PPP4R4: variants seen among roughly 807,000 people sequenced by gnomAD.
PPP4R4 encodes protein phosphatase 4 regulatory subunit 4, also known as serine/threonine-protein phosphatase 4 regulatory subunit 4.
In PPP4R4, 70 loss-of-function variants were observed where a neutral mutation model predicts 121.8. That is an observed-to-expected ratio of 0.57 (90% CI 0.47 to 0.70). PPP4R4 has a LOEUF of 0.70. Ranked by LOEUF, PPP4R4 falls within the 30% of genes least tolerant of loss-of-function variation. The pLI is 0.00. For synonymous variants in PPP4R4, 348 were observed against 355.7 expected, an observed-to-expected ratio of 0.98 and a Z score of 0.24; for missense variants, 875 against 1,033.6, an observed-to-expected ratio of 0.85 and a Z score of 2.10.
chr14:94,235,759 T>C (rs1892312651), intron 7 of PPP4R4, among the ~76,000 whole-genome samples: 1 of 152,114 alleles, frequency 6.6e-6, no homozygotes, highest in Non-Finnish European at 1.5e-5. Flanking sequence ...GCCAATCTCT[T>C]CACCCATAAG....
intron 2 of PPP4R4, among the ~76,000 whole-genome samples, chr14:94,207,971 G>C (rs933309319): frequency 2.0e-5 from 3 of 151,822 alleles, no homozygotes; most frequent in Non-Finnish European, 4.4e-5. Flanking sequence ...TTCTGACATG[G>C]AGTCAAATCT....
At chr14:94,198,931 G>A (rs1890022133) in intron 2 of PPP4R4, among the ~76,000 whole-genome samples, 1 of 152,152 alleles carries the variant, frequency 6.6e-6, no homozygotes, top group Non-Finnish European at 1.5e-5. Flanking sequence ...TTGTAGCTCT[G>A]TGATAGGTTT....
At chr14:94,238,228 CTT>C (rs1164132661) in intron 8 of PPP4R4, among the ~76,000 whole-genome samples, 4 of 152,360 alleles carry the variant, frequency 2.6e-5, no homozygotes, top group Admixed American at 6.5e-5. Flanking sequence ...GGCCCCACCT[CTT>C]AAAGATTTCA....
At chr14:94,185,326 C>A (rs771196914) in intron 2 of PPP4R4, among the ~76,000 whole-genome samples, 6 of 152,050 alleles carry the variant, frequency 3.9e-5, no homozygotes, top group Non-Finnish European at 8.8e-5. Context: ...GGCAATATAG[C>A]GAGACCCTGT....
At chr14:94,191,380 T>C (rs1330259118) in intron 2 of PPP4R4, among the ~76,000 whole-genome samples, 1 of 152,136 alleles carries the variant, frequency 6.6e-6, no homozygotes, top group African/African-American at 2.4e-5. Context: ...TGACATGTAG[T>C]AATTGTATGT....
chr14:94,214,172 C>G (rs1890895002), intron 3 of PPP4R4, among the ~76,000 whole-genome samples: 1 of 152,024 alleles, frequency 6.6e-6, no homozygotes, highest in Non-Finnish European at 1.5e-5. Context: ...CCTGAAAGAC[C>G]AAGGGAACAT....
Position 94,174,476 on chromosome 14 carries a change from C to A in PPP4R4, c.11C>A (p.Pro4Gln). Residue 4 changes from proline (P) to glutamine (Q), a missense_variant, in exon 1 of 25, where the codon CCG becomes CAG. Transcript: ENST00000304338. Reference protein sequence around the residue: MHPPPPAAAMDFSQ... With the variant: MHPQPPAAAMDFSQ... ...AGTGCCCGGCGGTCCATGCATCCGC[C>A]GCCGCCCGCCGCCGCGATGGATTTC... 6.2e-7 allele frequency: 1 copy of A among 1,604,050 alleles called. No homozygotes were observed. The highest frequency in any genetic ancestry group is 8.5e-7 in the Non-Finnish European group (1 of 1,176,254).
intron 24 of PPP4R4, 97 bp downstream of exon 24, chr14:94,275,618 T>A (rs1052837329): frequency 7.5e-7 from 1 of 1,337,686 alleles, no homozygotes; most frequent in Non-Finnish European, 1.0e-6. Flanking sequence ...GAATAGAAAA[T>A]GTCTGTGATG....
At chr14:94,231,336 A>G in intron 5 of PPP4R4, 21 bp downstream of exon 5, 1 of 1,567,890 alleles carries the variant, frequency 6.4e-7, no homozygotes, top group Non-Finnish European at 8.8e-7. Context: ...CATGGGGGCA[A>G]ATACTAATAA....
At chr14:94,236,125 A>G (rs1030450809) in intron 7 of PPP4R4, among the ~76,000 whole-genome samples, 3 of 152,214 alleles carry the variant, frequency 2.0e-5, no homozygotes, top group Admixed American at 2.0e-4. Flanking sequence ...CTGTTGCTAA[A>G]TAGTATTTAA....
intron 2 of PPP4R4, among the ~76,000 whole-genome samples, chr14:94,189,662 T>C (rs1279120553): frequency 1.3e-5 from 2 of 152,204 alleles, no homozygotes; most frequent in African/African-American, 4.8e-5. Flanking sequence ...TCCACCAGGG[T>C]GTCTCCACCA....
At chr14:94,245,284 C>T (rs1480730428) in intron 12 of PPP4R4, among the ~76,000 whole-genome samples, 6 of 152,194 alleles carry the variant, frequency 3.9e-5, no homozygotes, top group East Asian at 1.9e-4. Flanking sequence ...AACAACGTTT[C>T]GAAAGTTTGG....
chr14:94,180,129 T>C (rs1286935044), intron 2 of PPP4R4, among the ~76,000 whole-genome samples: 13 of 152,146 alleles, frequency 8.5e-5, no homozygotes, highest in Admixed American at 8.5e-4. Flanking sequence ...AGGCATCCCG[T>C]TACTGTTAAT....
intron 11 of PPP4R4, among the ~76,000 whole-genome samples, chr14:94,243,610 T>C (rs561113727): frequency 6.6e-6 from 1 of 152,302 alleles, no homozygotes; most frequent in African/African-American, 2.4e-5. Flanking sequence ...ATTAAACATA[T>C]GGAAATGTAC....
intron 10 of PPP4R4, 28 bp downstream of exon 10, chr14:94,241,985 A>C (rs1892660003): frequency 6.5e-7 from 1 of 1,541,704 alleles, no homozygotes; most frequent in Non-Finnish European, 8.8e-7. Context: ...ATATTTACTG[A>C]GGATTTTTAT....
At chr14:94,198,802 G>A (rs932909377) in intron 2 of PPP4R4, among the ~76,000 whole-genome samples, 6 of 152,060 alleles carry the variant, frequency 3.9e-5, no homozygotes, top group African/African-American at 7.2e-5. Flanking sequence ...TTGAGTTGTC[G>A]TTTCACCTTT....
At position 94,240,800 on chromosome 14, in the gene PPP4R4, GAT is replaced by G. The variant is rs1374006568; in HGVS notation, c.976+10_976+11del. 1 of 1,513,820 alleles carries G rather than the reference GAT, an allele frequency of 6.6e-7. No homozygotes were observed. The highest frequency in any genetic ancestry group is 2.5e-5 in the East Asian group (1 of 39,658). 93.8% of individuals were successfully genotyped at this position (1,513,820 alleles called of 1,614,324 possible). On this transcript the variant is annotated splice_donor_region_variant and intron_variant, in intron 9 of 24. Coordinates refer to ENST00000304338, the MANE Select transcript of PPP4R4 (RefSeq NM_058237.2). ...AACTATGTCATGGACTATATGGTATGATATATCCTAAGAATTTTGAGACTGTA... is the reference window on the plus strand; with the variant it reads ...AACTATGTCATGGACTATATGGTATGATATCCTAAGAATTTTGAGACTGTA...
chr14:94,274,475 C>T (rs1189167730), intron 23 of PPP4R4, among the ~76,000 whole-genome samples: 1 of 152,058 alleles, frequency 6.6e-6, no homozygotes, highest in African/African-American at 2.4e-5. Context: ...AAGGTTTGAA[C>T]ATGAACTTCA....
At chr14:94,256,390 A>G in intron 16 of PPP4R4, 70 bp from the exon 17 acceptor site, 1 of 1,327,962 alleles carries the variant, frequency 7.5e-7, no homozygotes, top group Non-Finnish European at 1.0e-6. Flanking sequence ...CTAAAACTTG[A>G]TTTTTGTTTT....
Sources: gnomAD v4.1 joint callset for allele counts (sites outside exome capture counted in the v4.1 genomes callset) on GRCh38, gnomAD v4.1.1 for gene constraint, MANE v1.5 for transcripts, NCBI Gene and HGNC (gene_info 2026-07-23, HGNC 2026-07-21) for gene names.